The following SEMA3A variants were observed in gnomAD, a reference collection of about 807,000 sequenced individuals.
SEMA3A encodes the protein semaphorin-3A.
In SEMA3A, 29 loss-of-function variants were observed where a neutral mutation model predicts 97.9. The ratio of observed to expected loss-of-function variants is 0.30; its 90% CI spans 0.22 to 0.40. SEMA3A has a LOEUF of 0.40. SEMA3A is among the 10% of genes least tolerant of loss of function. The pLI is 1.00. For synonymous variants in SEMA3A, 321 were observed against 323.7 expected, an observed-to-expected ratio of 0.99 and a Z score of 0.09; for missense variants, 763 against 951.3, an observed-to-expected ratio of 0.80 and a Z score of 2.60.
intron 1 of SEMA3A, among the ~76,000 whole-genome samples, chr7:84,172,571 G>T (rs188790008): frequency 6.6e-6 from 1 of 152,018 alleles, no homozygotes; most frequent in East Asian, 1.9e-4. Flanking sequence ...ACAGGCATCC[G>T]CCACCACGCC....
chr7:84,188,660 C>T (rs1797954981), intron 1 of SEMA3A, among the ~76,000 whole-genome samples: 1 of 151,838 alleles, frequency 6.6e-6, no homozygotes, highest in Non-Finnish European at 1.5e-5. Flanking sequence ...TATATACAGG[C>T]ACATGAATCT....
At chr7:84,365,106 A>ATAAAG (rs1802813961) in intron 2 of SEMA3A, among the ~76,000 whole-genome samples, 1 of 151,598 alleles carries the variant, frequency 6.6e-6, no homozygotes, top group Non-Finnish European at 1.5e-5. Context: ...AATATAGGAG[A>ATAAAG]TAAAGTCAAT....
intron 3 of SEMA3A, among the ~76,000 whole-genome samples, chr7:84,301,848 G>T (rs1274663427): frequency 6.6e-6 from 1 of 152,120 alleles, no homozygotes; most frequent in Non-Finnish European, 1.5e-5. Context: ...ATGTCAAATG[G>T]TACAACCGTT....
chr7:84,365,748 G>T (rs1045540996), intron 2 of SEMA3A, among the ~76,000 whole-genome samples: 2 of 151,080 alleles, frequency 1.3e-5, no homozygotes, highest in African/African-American at 4.8e-5. Context: ...GAATTTTTAT[G>T]TTTAACATAT....
At chr7:84,296,335 C>T (rs1461504323) in intron 3 of SEMA3A, among the ~76,000 whole-genome samples, 1 of 152,092 alleles carries the variant, frequency 6.6e-6, no homozygotes, top group East Asian at 1.9e-4. Flanking sequence ...CATGTGTACC[C>T]TCTTTGTAAT....
intron 4 of SEMA3A, among the ~76,000 whole-genome samples, chr7:84,109,546 A>G (rs1583980394): frequency 6.6e-6 from 1 of 152,236 alleles, no homozygotes; most frequent in Admixed American, 6.5e-5. Flanking sequence ...GTCAAAAGAC[A>G]TATTTGTATC....
intron 1 of SEMA3A, among the ~76,000 whole-genome samples, chr7:84,173,919 T>C (rs1217658126): frequency 6.6e-6 from 1 of 152,262 alleles, no homozygotes; most frequent in East Asian, 1.9e-4. Flanking sequence ...GGGACCTAGG[T>C]TGCATGCTCC....
At chr7:84,011,826 T>G (rs1381197456) in intron 7 of SEMA3A, among the ~76,000 whole-genome samples, 1 of 152,130 alleles carries the variant, frequency 6.6e-6, no homozygotes, top group Non-Finnish European at 1.5e-5. Flanking sequence ...TTATTACACA[T>G]TATATTCAAA....
intron 1 of SEMA3A, among the ~76,000 whole-genome samples, chr7:84,457,169 G>C (rs1270513085): frequency 1.3e-5 from 2 of 151,594 alleles, no homozygotes; most frequent in Non-Finnish European, 3.0e-5. Context: ...TGAAGTGTTA[G>C]GATGAGTGGA....
chr7:84,256,688 ACT>A (rs1048262856), intron 3 of SEMA3A, among the ~76,000 whole-genome samples: 4 of 151,814 alleles, frequency 2.6e-5, no homozygotes, highest in African/African-American at 9.7e-5. Context: ...GCTTGAAGAA[ACT>A]CTGGTAACTT....
chr7:83,971,985 C>CTGTGTG (rs10689027), intron 15 of SEMA3A, among the ~76,000 whole-genome samples: 5 of 150,050 alleles, frequency 3.3e-5, no homozygotes, highest in South Asian at 4.2e-4. Context: ...ATTGGCTAGT[C>CTGTGTG]TGTGTGTGTG....
At chr7:84,308,873 A>C (rs187336999) in intron 2 of SEMA3A, among the ~76,000 whole-genome samples, 2 of 148,648 alleles carry the variant, frequency 1.3e-5, no homozygotes, top group African/African-American at 5.0e-5. Flanking sequence ...GCTGGAGTGC[A>C]ATGGCGCCGT....
At chr7:84,019,231 G>A (rs1172453634) in intron 6 of SEMA3A, among the ~76,000 whole-genome samples, 1 of 152,134 alleles carries the variant, frequency 6.6e-6, no homozygotes, top group South Asian at 2.1e-4. Flanking sequence ...ACATTTGAGC[G>A]ATGGAAGGAA....
intron 1 of SEMA3A, among the ~76,000 whole-genome samples, chr7:84,175,335 T>C (rs973651016): frequency 1.3e-5 from 2 of 152,242 alleles, no homozygotes; most frequent in African/African-American, 4.8e-5. Context: ...ATCACCATTA[T>C]TTACTGTAAC....
At chr7:84,073,160 A>G (rs2691694) in intron 4 of SEMA3A, among the ~76,000 whole-genome samples, 137,985 of 152,114 alleles carry the variant, frequency 0.91, 62,621 homozygotes, top group East Asian at 0.95. Flanking sequence ...GGAAACCATC[A>G]GAGTTCAGTG....
At chr7:84,136,926 G>GAGGAAGGA (rs1373318105) in intron 1 of SEMA3A, among the ~76,000 whole-genome samples, 1 of 149,658 alleles carries the variant, frequency 6.7e-6, no homozygotes, top group Non-Finnish European at 1.5e-5. Context: ...AGAAGAAGGG[G>GAGGAAGGA]AGGAAGGAAG....
chr7:84,383,327 G>T (rs1044047679), intron 1 of SEMA3A, among the ~76,000 whole-genome samples: 1 of 151,876 alleles, frequency 6.6e-6, no homozygotes, highest in Non-Finnish European at 1.5e-5. Flanking sequence ...TTATCAGATA[G>T]AATATTAAAA....
chr7:84,212,641 GA>G (rs1249691499), intron 3 of SEMA3A, among the ~76,000 whole-genome samples: 1 of 152,124 alleles, frequency 6.6e-6, no homozygotes, highest in Non-Finnish European at 1.5e-5. Flanking sequence ...CTCTGTTGGA[GA>G]ACTGATATAC....
At chr7:83,992,806 T>G (rs919889931) in intron 12 of SEMA3A, among the ~76,000 whole-genome samples, 5 of 152,168 alleles carry the variant, frequency 3.3e-5, no homozygotes, top group African/African-American at 1.2e-4. Context: ...TGATTTGGGG[T>G]GGAGAGTTCT....
Sources: allele counts gnomAD v4.1 joint callset (sites outside exome capture counted in the v4.1 genomes callset), GRCh38; gene constraint gnomAD v4.1.1; transcripts MANE v1.5; gene names NCBI Gene and HGNC (gene_info 2026-07-23, HGNC 2026-07-21).